TTC14: variants seen among roughly 807,000 people sequenced by gnomAD.
The protein encoded by TTC14 is tetratricopeptide repeat protein 14.
TTC14 carries 63 observed loss-of-function variants against 79.9 expected under a neutral mutation model. The ratio of observed to expected loss-of-function variants is 0.79; its 90% CI spans 0.64 to 0.97. TTC14 has a LOEUF of 0.97. Among genes scored for constraint, TTC14 ranks in the 50% least tolerant of loss-of-function variants. TTC14 has a pLI of 0.00. For missense variants in TTC14, 895 were observed against 894.0 expected, an observed-to-expected ratio of 1.00 and a Z score of -0.01; for synonymous variants, 335 against 309.6, an observed-to-expected ratio of 1.08 and a Z score of -0.86.
Position 180,604,836 on chromosome 3 carries a change from T to A in TTC14, c.702-16T>A. 8.8e-6 allele frequency: 14 copies of A among 1,587,014 alleles called. No individual in the cohort carries two copies. Among genetic ancestry groups the A allele is most frequent in the Non-Finnish European group, 1.2e-5 (14 of 1,169,520 alleles). ...AATTAGTCATTTTACAATTTTTGTG[T>A]TTGTATTTTTTTAAGGAGAAGTGTT... On this transcript the variant is annotated splice_polypyrimidine_tract_variant and intron_variant, in intron 5 of 11. Coordinates refer to ENST00000296015, the MANE Select transcript of TTC14 (RefSeq NM_133462.4).
chr3:180,614,779 C>T, downstream of TTC14: 3 of 662,476 alleles, frequency 4.5e-6, no homozygotes, highest in Non-Finnish European at 7.1e-6. Flanking sequence ...GAGAACGTTC[C>T]TTTTTTTTTA....
chr3:180,617,996 A>G (rs1717311666), downstream of TTC14, among the ~76,000 whole-genome samples: 1 of 152,064 alleles, frequency 6.6e-6, no homozygotes, highest in Admixed American at 6.6e-5. Flanking sequence ...TTAATCCATT[A>G]TACCATATTT....
In TTC14 at chr3:180,603,269, G is replaced by A. The variant is rs138794931; in HGVS notation, c.432G>A (p.Val144=). The change falls in exon 3 of 12, where the codon GTG becomes GTA. Residue 144 remains valine (V), a synonymous_variant. Transcript: ENST00000296015. ...SSIREFGFFM[V]LICLGSGIMR... ...TTCGGGAATTCGGTTTTTTCATGGT[G>A]TTGATCTGTTTAGGAAGTGGTATCA... is the stretch of plus-strand genomic sequence containing the variant. 1.9e-6 allele frequency: 3 copies of A among 1,614,070 alleles called. No homozygotes were observed. Among genetic ancestry groups the A allele is most frequent in the Non-Finnish European group, 1.7e-6 (2 of 1,180,016 alleles).
At chr3:180,617,041 C>G (rs1717274071) in intron 12 of TTC14, 1 of 805,148 alleles carries the variant, frequency 1.2e-6, no homozygotes, top group South Asian at 2.3e-5. Context: ...ATCAAGTATT[C>G]ATTTAATTTT....
chr3:180,606,220 G>A, intron 7 of TTC14, 33 bp from the exon 8 acceptor site: 1 of 1,608,064 alleles, frequency 6.2e-7, no homozygotes, highest in Non-Finnish European at 8.5e-7. Context: ...ATTGTTTGAA[G>A]TGTTTGTGAT....
chr3:180,609,242 T>TGCCCC, intron 11 of TTC14: 1 of 606,946 alleles, frequency 1.6e-6, no homozygotes, highest in Non-Finnish European at 2.1e-6. Context: ...ACAGGTCAGC[T>TGCCCC]CCCACCCGCA....
intron 10 of TTC14, 174 bp downstream of exon 10, chr3:180,607,939 T>A (rs1716782403): frequency 7.3e-7 from 1 of 1,368,902 alleles, no homozygotes; most frequent in African/African-American, 1.5e-5. Context: ...CCTCTGTTTT[T>A]GTCCATAATC....
intron 4 of TTC14, 50 bp downstream of exon 4, chr3:180,604,359 G>T (rs1560071654): frequency 6.3e-7 from 1 of 1,578,784 alleles, no homozygotes; most frequent in South Asian, 1.2e-5. Flanking sequence ...TTGAATTTTT[G>T]TTTTTATTAA....
chr3:180,611,200 A>ATT (rs1348060611), downstream of TTC14: 2 of 980,524 alleles, frequency 2.0e-6, no homozygotes, highest in Non-Finnish European at 2.4e-6. Context: ...CATTTTGCTT[A>ATT]TTTCTCCATT....
At chr3:180,602,521 C>T in intron 1 of TTC14, 99 bp downstream of exon 1, 1 of 1,431,726 alleles carries the variant, frequency 7.0e-7, no homozygotes, top group South Asian at 1.4e-5. Context: ...AGTGGAGCCG[C>T]GGCCGTGAGC....
chr3:180,604,801 T>A, intron 5 of TTC14, 51 bp from the exon 6 acceptor site: 1 of 1,543,654 alleles, frequency 6.5e-7, no homozygotes, highest in Non-Finnish European at 8.8e-7. Context: ...TTACTAGAAA[T>A]GGAATGTCAA....
chr3:180,617,545 TTGA>T, exon 13 of TTC14: 1 of 614,298 alleles, frequency 1.6e-6, no homozygotes, highest in Non-Finnish European at 3.0e-6. Flanking sequence ...GACAGTGGTA[TTGA>T]TGATCCTGAC....
At position 180,610,585 on chromosome 3, in the gene TTC14, T is replaced by TGAA. The variant is rs1716951073; in HGVS notation, c.*45_*47dup. ...CACCATTACACAAAATGCCATTAAG[T>TGAA]GAAGTTTTTGGTTGTATTAGTCATA... On this transcript the variant is annotated 3_prime_UTR_variant, in exon 12 of 12. Coordinates refer to ENST00000296015, the MANE Select transcript of TTC14 (RefSeq NM_133462.4). 1.3e-6 allele frequency: 2 copies of TGAA among 1,520,404 alleles called. No homozygotes were observed. The highest frequency in any genetic ancestry group is 1.8e-6 in the Non-Finnish European group (2 of 1,142,124). The allele number at this position is 1,520,404 out of a possible 1,614,324, so 94.2% of individuals were successfully genotyped here.
At position 180,606,559 on chromosome 3, in the gene TTC14, T is replaced by C. The variant is rs565878670; in HGVS notation, c.1128T>C (p.Asn376=). The change falls in exon 9 of 12, where the codon AAT becomes AAC. Residue 376 remains asparagine, a synonymous_variant. Coordinates refer to ENST00000296015, the MANE Select transcript of TTC14 (RefSeq NM_133462.4). The part of the protein sequence containing the change: ...LALENCPTHR[N]ARKYLCQTLV... Reference sequence around the variant, plus strand: ...TAGAAAACTGTCCAACTCACAGAAATGCAAGAAAATACCTCTGCCAGACAC... The same window carrying C: ...TAGAAAACTGTCCAACTCACAGAAACGCAAGAAAATACCTCTGCCAGACAC... The C allele has an allele frequency of 5.6e-6, 9 of 1,613,960 alleles. No homozygotes were observed. The East Asian group carries it at 1.1e-4, about 20-fold the overall frequency.
At chr3:180,606,670 T>G in intron 9 of TTC14, 67 bp downstream of exon 9, 1 of 1,534,692 alleles carries the variant, frequency 6.5e-7, no homozygotes, top group Non-Finnish European at 8.8e-7. Context: ...AATTTTGAAC[T>G]TAAGGAAATA....
rs144491691 is a variant in TTC14, at chr3:180,616,817, T to C, written c.1775-563T>C. The stretch of plus-strand genomic sequence containing the variant: ...ATATGAAAGGTCAGTTTTTAAAAGA[T>C]ATCGATACCTGTTTGGTCACTCTTT... On this transcript the variant is annotated intron_variant, in intron 12 of 12. Coordinates refer to the TTC14 transcript ENST00000382584. 1.9e-6 allele frequency: 3 copies of C among 1,607,478 alleles called. No individual in the cohort carries two copies. In the African/African-American group the frequency reaches 4.0e-5, roughly 21 times the overall value.
At chr3:180,613,122 C>A (rs1717091621), downstream of TTC14, among the ~76,000 whole-genome samples, 1 of 152,190 alleles carries the variant, frequency 6.6e-6, no homozygotes, top group South Asian at 2.1e-4. Flanking sequence ...ATTAGGTAGG[C>A]GCAAAAGTAA....
intron 12 of TTC14, chr3:180,617,286 A>G: frequency 6.5e-6 from 3 of 458,406 alleles, no homozygotes; most frequent in Non-Finnish European, 1.1e-5. Flanking sequence ...TCTAGCACAT[A>G]CAATTATGTA....
chr3:180,617,709 T>G, exon 13 of TTC14: 1 of 389,010 alleles, frequency 2.6e-6, no homozygotes, highest in African/African-American at 2.1e-5. Flanking sequence ...TTAAGCTAAA[T>G]GTCATCACAA....
Sources: gnomAD v4.1 joint callset for allele counts (sites outside exome capture counted in the v4.1 genomes callset) on GRCh38, gnomAD v4.1.1 for gene constraint, MANE v1.5 for transcripts, NCBI Gene and HGNC (gene_info 2026-07-23, HGNC 2026-07-21) for gene names.